The following ROBO2 variants were observed in gnomAD, a reference collection of about 807,000 sequenced individuals.
The protein encoded by ROBO2 is roundabout homolog 2.
In ROBO2, 53 loss-of-function variants were observed where a neutral mutation model predicts 160.8. That is an observed-to-expected ratio of 0.33 (90% CI 0.26 to 0.41). The LOEUF (loss-of-function observed/expected upper bound fraction) is 0.41, where lower values mean the gene tolerates loss of function less well. Ranked by LOEUF, ROBO2 falls within the 10% of genes least tolerant of loss-of-function variation. ROBO2 has a pLI of 1.00. For synonymous variants in ROBO2, 664 were observed against 611.7 expected (o/e 1.09, Z -1.26); for missense variants, 1,577 against 1,722.4 (o/e 0.92, Z 1.49).
chr3:77,428,968 A>G (rs73099864), intron 2 of ROBO2, among the ~76,000 whole-genome samples: 11,987 of 152,234 alleles, frequency 0.079, 560 homozygotes, highest in African/African-American at 0.11. Context: ...ATACTATAGA[A>G]TTTTGATTTA....
At chr3:77,288,935 G>T (rs1018811831) in intron 2 of ROBO2, among the ~76,000 whole-genome samples, 1 of 152,054 alleles carries the variant, frequency 6.6e-6, no homozygotes, top group Admixed American at 6.6e-5. Context: ...ATATATTTAC[G>T]GCACCATGTG....
intron 2 of ROBO2, among the ~76,000 whole-genome samples, chr3:76,080,365 G>T (rs914605264): frequency 6.6e-6 from 1 of 152,146 alleles, no homozygotes; most frequent in Non-Finnish European, 1.5e-5. Flanking sequence ...ATGCATCCAT[G>T]TTTTTTTCTA....
intron 2 of ROBO2, among the ~76,000 whole-genome samples, chr3:77,162,093 C>G (rs1185703744): frequency 6.6e-6 from 1 of 151,746 alleles, no homozygotes; most frequent in African/African-American, 2.4e-5. Context: ...CATATTTTAA[C>G]TTGGAACATT....
chr3:77,620,340 T>G (rs1009469377), intron 22 of ROBO2, among the ~76,000 whole-genome samples: 1 of 152,216 alleles, frequency 6.6e-6, no homozygotes, highest in Non-Finnish European at 1.5e-5. Flanking sequence ...TAGAAGATAT[T>G]TATAAATGTT....
At chr3:77,484,834 G>C (rs532833608) in intron 4 of ROBO2, among the ~76,000 whole-genome samples, 98 of 152,000 alleles carry the variant, frequency 6.4e-4, no homozygotes, top group African/African-American at 2.3e-3. Context: ...ACTGTGAGTT[G>C]AATGTTATAG....
At chr3:75,947,138 C>A (rs922710171) in intron 2 of ROBO2, among the ~76,000 whole-genome samples, 1 of 152,076 alleles carries the variant, frequency 6.6e-6, no homozygotes, top group Admixed American at 6.6e-5. Context: ...GAAATGGCAA[C>A]GTCTTGATGA....
chr3:76,951,679 T>C (rs553502578), intron 2 of ROBO2, among the ~76,000 whole-genome samples: 12 of 152,352 alleles, frequency 7.9e-5, no homozygotes, highest in African/African-American at 2.6e-4. Context: ...GTGTGTTGTA[T>C]TCTTTTTCTT....
At chr3:76,788,100 G>A (rs1046737961) in intron 2 of ROBO2, among the ~76,000 whole-genome samples, 2 of 150,602 alleles carry the variant, frequency 1.3e-5, no homozygotes, top group African/African-American at 4.9e-5. Flanking sequence ...CAAATCTATT[G>A]TTAATAGAGC....
chr3:76,005,724 T>C (rs2066002984), intron 2 of ROBO2, among the ~76,000 whole-genome samples: 1 of 152,150 alleles, frequency 6.6e-6, no homozygotes. Context: ...ACTTGAACAA[T>C]ATAACACACA....
At chr3:77,213,295 G>A (rs1448047495) in intron 2 of ROBO2, among the ~76,000 whole-genome samples, 1 of 152,000 alleles carries the variant, frequency 6.6e-6, no homozygotes, top group African/African-American at 2.4e-5. Flanking sequence ...CTTCTTCCTG[G>A]TTTAGTCTTG....
chr3:77,643,756 A>T (rs1243620744), intron 24 of ROBO2, among the ~76,000 whole-genome samples: 1 of 152,216 alleles, frequency 6.6e-6, no homozygotes, highest in Admixed American at 6.5e-5. Context: ...TGCATTTCCC[A>T]TAACTACATT....
chr3:76,365,088 A>T (rs535785256), intron 2 of ROBO2, among the ~76,000 whole-genome samples: 1 of 152,126 alleles, frequency 6.6e-6, no homozygotes, highest in African/African-American at 2.4e-5. Flanking sequence ...CTTTATTCTA[A>T]TTTTTTCAGA....
chr3:76,968,588 T>C (rs1383509659), intron 2 of ROBO2, among the ~76,000 whole-genome samples: 1 of 152,180 alleles, frequency 6.6e-6, no homozygotes, highest in Admixed American at 6.5e-5. Flanking sequence ...AAGTCAATGG[T>C]TCAAACTGTG....
chr3:76,375,822 G>A (rs1426748419), intron 2 of ROBO2, among the ~76,000 whole-genome samples: 1 of 151,984 alleles, frequency 6.6e-6, no homozygotes, highest in African/African-American at 2.4e-5. Flanking sequence ...GATAAGAGTA[G>A]AGTTAGGTAA....
intron 2 of ROBO2, among the ~76,000 whole-genome samples, chr3:76,710,372 G>A (rs1288195513): frequency 6.6e-6 from 1 of 152,114 alleles, no homozygotes; most frequent in Non-Finnish European, 1.5e-5. Flanking sequence ...TCCTGCCTTG[G>A]CCTCCCAAAG....
At chr3:76,171,416 G>A (rs533594218) in intron 2 of ROBO2, among the ~76,000 whole-genome samples, 1 of 151,666 alleles carries the variant, frequency 6.6e-6, no homozygotes, top group South Asian at 2.1e-4. Flanking sequence ...AAACCTTGAA[G>A]AGCCATATTG....
chr3:76,271,350 C>A (rs955469312), intron 2 of ROBO2, among the ~76,000 whole-genome samples: 14 of 151,730 alleles, frequency 9.2e-5, no homozygotes, highest in Admixed American at 3.9e-4. Context: ...TTGAGTGCTA[C>A]CTCTCCACAT....
intron 2 of ROBO2, among the ~76,000 whole-genome samples, chr3:76,743,781 A>T (rs1472797694): frequency 5.9e-5 from 9 of 151,850 alleles, no homozygotes; most frequent in Admixed American, 5.9e-4. Context: ...GAAGCTCAAT[A>T]AATTATAAAT....
chr3:76,104,435 C>T (rs1359964265), intron 2 of ROBO2, among the ~76,000 whole-genome samples: 1 of 152,074 alleles, frequency 6.6e-6, no homozygotes, highest in Non-Finnish European at 1.5e-5. Context: ...GAGACTTGGC[C>T]TCAAATACCC....
Sources: allele counts gnomAD v4.1 joint callset (sites outside exome capture counted in the v4.1 genomes callset), GRCh38; gene constraint gnomAD v4.1.1; transcripts MANE v1.5; gene names NCBI Gene and HGNC (gene_info 2026-07-23, HGNC 2026-07-21).